Variants in KIAA0825 observed in about 807,000 individuals in gnomAD.
KIAA0825 encodes the protein uncharacterized protein KIAA0825.
In KIAA0825, 119 loss-of-function variants were observed where a neutral mutation model predicts 147.6. That is an observed-to-expected ratio of 0.81 (90% CI 0.69 to 0.94). The LOEUF is 0.94. KIAA0825 is among the 40% of genes least tolerant of loss of function. The probability of loss-of-function intolerance (pLI) is 0.00; values close to 1 mark genes in which losing one functional copy is unlikely to be tolerated. For missense variants in KIAA0825, 1,381 were observed against 1,472.7 expected (o/e 0.94, Z 1.02); for synonymous variants, 470 against 518.1 (o/e 0.91, Z 1.26).
intron 20 of KIAA0825, among the ~76,000 whole-genome samples, chr5:94,331,952 A>G (rs1161923946): frequency 6.6e-6 from 1 of 152,006 alleles, no homozygotes; most frequent in Admixed American, 6.6e-5. Context: ...ACCTGAGGTC[A>G]GGAGTTCGAG....
intron 20 of KIAA0825, among the ~76,000 whole-genome samples, chr5:94,366,418 T>C (rs2150428871): frequency 6.6e-6 from 1 of 152,232 alleles, no homozygotes; most frequent in African/African-American, 2.4e-5. Flanking sequence ...CCTCCTCTCA[T>C]TTCTGCTTCT....
intron 2 of KIAA0825, among the ~76,000 whole-genome samples, chr5:94,561,532 T>G (rs527581577): frequency 2.0e-5 from 3 of 152,176 alleles, no homozygotes; most frequent in Admixed American, 1.3e-4. Flanking sequence ...TGTGGGGTCC[T>G]GGTAGTGTCA....
At chr5:94,346,323 T>C (rs905985855) in intron 20 of KIAA0825, among the ~76,000 whole-genome samples, 2 of 152,156 alleles carry the variant, frequency 1.3e-5, no homozygotes, top group Non-Finnish European at 2.9e-5. Flanking sequence ...TTTATAACTT[T>C]GTTGTGGGGT....
At chr5:94,542,258 C>A (rs1773477424) in intron 2 of KIAA0825, among the ~76,000 whole-genome samples, 1 of 152,192 alleles carries the variant, frequency 6.6e-6, no homozygotes, top group Admixed American at 6.5e-5. Context: ...ACTGCATTGA[C>A]TAAACTAATA....
intron 14 of KIAA0825, among the ~76,000 whole-genome samples, chr5:94,438,207 T>A (rs758983102): frequency 3.9e-5 from 6 of 152,212 alleles, no homozygotes; most frequent in Non-Finnish European, 7.3e-5. Context: ...ATTTATCAGA[T>A]ATGTGTATCT....
Position 94,588,567 on chromosome 5 carries a change from G to A in KIAA0825, c.-152-5984C>T, listed in dbSNP as rs937765575. Among the ~76,000 whole-genome samples, 35 of 152,306 alleles carry A rather than the reference G, an allele frequency of 2.3e-4. 1 individual carries two copies. Among genetic ancestry groups the A allele is most frequent in the African/African-American group, 8.2e-4 (34 of 41,570 alleles). ...ATGCTGGAGAGGATGTGGAGAAATA[G>A]GAATGCTTTTACACTATTGATGGGA... On this transcript the variant is annotated intron_variant, in intron 1 of 20. Coordinates refer to ENST00000682413, the MANE Select transcript of KIAA0825 (RefSeq NM_001145678.3).
At chr5:94,424,410 G>A (rs187948126) in intron 14 of KIAA0825, among the ~76,000 whole-genome samples, 6 of 151,984 alleles carry the variant, frequency 3.9e-5, no homozygotes, top group East Asian at 1.9e-4. Context: ...AAACAACATC[G>A]TCCTGAATGA....
At chr5:94,421,618 T>C (rs1754199009) in intron 14 of KIAA0825, among the ~76,000 whole-genome samples, 1 of 152,166 alleles carries the variant, frequency 6.6e-6, no homozygotes, top group African/African-American at 2.4e-5. Flanking sequence ...TCCCCCAATG[T>C]GTCCCTTCTT....
chr5:94,532,340 A>C (rs1050857292), intron 3 of KIAA0825, among the ~76,000 whole-genome samples: 1 of 152,014 alleles, frequency 6.6e-6, no homozygotes, highest in African/African-American at 2.4e-5. Flanking sequence ...TTGTAGAGAC[A>C]GTGTTTCGCC....
chr5:94,240,804 G>A (rs1775306147), intron 20 of KIAA0825, among the ~76,000 whole-genome samples: 1 of 152,208 alleles, frequency 6.6e-6, no homozygotes, highest in South Asian at 2.1e-4. Context: ...CTCACCGTAA[G>A]TAAATTAATC....
At chr5:94,314,547 C>T (rs769543172) in intron 20 of KIAA0825, among the ~76,000 whole-genome samples, 6 of 151,726 alleles carry the variant, frequency 4.0e-5, no homozygotes, top group African/African-American at 2.4e-5. Context: ...AGAATGGAAG[C>T]TGGCTTCTTG....
chr5:94,495,596 C>T (rs1046759347), intron 5 of KIAA0825, among the ~76,000 whole-genome samples: 3 of 152,212 alleles, frequency 2.0e-5, no homozygotes, highest in Admixed American at 6.5e-5. Flanking sequence ...GGCCATACCT[C>T]ACCAGTCACC....
chr5:94,402,859 G>A (rs1751565664), intron 16 of KIAA0825, among the ~76,000 whole-genome samples: 2 of 151,850 alleles, frequency 1.3e-5, no homozygotes, highest in African/African-American at 4.8e-5. Context: ...ACGAATACAG[G>A]TACGTAATAT....
At chr5:94,351,314 C>T (rs1465883042) in intron 20 of KIAA0825, among the ~76,000 whole-genome samples, 1 of 152,088 alleles carries the variant, frequency 6.6e-6, no homozygotes, top group Non-Finnish European at 1.5e-5. Context: ...AACTCAACCA[C>T]TTTTACAATA....
intron 4 of KIAA0825, among the ~76,000 whole-genome samples, chr5:94,521,433 TG>T (rs1189893133): frequency 6.6e-6 from 1 of 151,776 alleles, no homozygotes; most frequent in East Asian, 1.9e-4. Context: ...AGTATGTGCC[TG>T]GGGGTTACTA....
intron 20 of KIAA0825, among the ~76,000 whole-genome samples, chr5:94,253,389 A>G (rs770866359): frequency 1.3e-5 from 2 of 152,184 alleles, no homozygotes; most frequent in Non-Finnish European, 2.9e-5. Context: ...AGGAACTGAG[A>G]AGAAATTCTA....
At chr5:94,463,320 T>A (rs1403888317) in intron 11 of KIAA0825, among the ~76,000 whole-genome samples, 1 of 150,658 alleles carries the variant, frequency 6.6e-6, no homozygotes, top group African/African-American at 2.4e-5. Flanking sequence ...AATTTTGAAG[T>A]GATAAGAAAA....
intron 1 of KIAA0825, among the ~76,000 whole-genome samples, chr5:94,585,474 C>T (rs1043261121): frequency 2.0e-5 from 3 of 152,168 alleles, no homozygotes; most frequent in African/African-American, 7.2e-5. Flanking sequence ...GGGATCAATT[C>T]AACAAGAAGA....
chr5:94,298,542 A>G (rs1330121853), intron 20 of KIAA0825, among the ~76,000 whole-genome samples: 1 of 152,128 alleles, frequency 6.6e-6, no homozygotes, highest in Admixed American at 6.5e-5. Context: ...GATGGAAAAA[A>G]ATGAATTTGA....
Sources: gnomAD v4.1 joint callset for allele counts (sites outside exome capture counted in the v4.1 genomes callset) on GRCh38, gnomAD v4.1.1 for gene constraint, MANE v1.5 for transcripts, NCBI Gene and HGNC (gene_info 2026-07-23, HGNC 2026-07-21) for gene names.